The following GSE1 variants were observed in gnomAD, a reference collection of about 807,000 sequenced individuals.
The protein encoded by GSE1 is Gse1 coiled-coil protein, also known as genetic suppressor element 1.
Under a neutral mutation model 112.6 loss-of-function variants are expected in GSE1, and 32 were observed. That is an observed-to-expected ratio of 0.28 (90% CI 0.21 to 0.38). The LOEUF (loss-of-function observed/expected upper bound fraction) is 0.38. Among genes scored for constraint, GSE1 ranks in the 10% least tolerant of loss-of-function variants. GSE1 has a pLI of 1.00. For synonymous variants in GSE1, 1,115 were observed against 735.6 expected, an observed-to-expected ratio of 1.52 and a Z score of -8.35; for missense variants, 2,348 against 1,699.2, an observed-to-expected ratio of 1.38 and a Z score of -6.71.
At chr16:85,258,621 G>T (rs554054502) in intron 1 of GSE1, among the ~76,000 whole-genome samples, 1 of 152,160 alleles carries the variant, frequency 6.6e-6, no homozygotes, top group East Asian at 1.9e-4. Context: ...CCCAGCGAGA[G>T]CCCCTTCTCC....
intron 2 of GSE1, among the ~76,000 whole-genome samples, chr16:85,454,027 G>A (rs1022826108): frequency 1.6e-4 from 24 of 152,172 alleles, no homozygotes; most frequent in African/African-American, 4.8e-4. Flanking sequence ...CCTGCCCCAC[G>A]GGCATCCAGC....
At chr16:85,472,413 C>T (rs2050323946) in intron 2 of GSE1, among the ~76,000 whole-genome samples, 1 of 152,286 alleles carries the variant, frequency 6.6e-6, no homozygotes, top group Middle Eastern at 3.4e-3. Context: ...CTTCTCCTCC[C>T]GCGGCCTTCT....
At chr16:85,253,084 C>T (rs1906688145) in intron 1 of GSE1, among the ~76,000 whole-genome samples, 2 of 125,228 alleles carry the variant, frequency 1.6e-5, no homozygotes, top group South Asian at 6.5e-4. Flanking sequence ...CCCCCCCCCA[C>T]CAGCAGGCTG....
At chr16:85,363,149 A>T (rs1363244264) in intron 2 of GSE1, among the ~76,000 whole-genome samples, 1 of 152,174 alleles carries the variant, frequency 6.6e-6, no homozygotes, top group Non-Finnish European at 1.5e-5. Flanking sequence ...TATCATTATT[A>T]ATACAGATAG....
chr16:85,444,154 T>G (rs2049450518), intron 2 of GSE1, among the ~76,000 whole-genome samples: 1 of 151,940 alleles, frequency 6.6e-6, no homozygotes, highest in Non-Finnish European at 1.5e-5. Context: ...CCAGCTAATT[T>G]TTGTATTTTT....
chr16:85,303,012 C>T (rs949472627), intron 1 of GSE1, among the ~76,000 whole-genome samples: 9 of 152,236 alleles, frequency 5.9e-5, no homozygotes, highest in Admixed American at 1.3e-4. Context: ...GGTGACGTCA[C>T]CTCGACCTAC....
chr16:85,390,996 G>A (rs971062349), intron 2 of GSE1, among the ~76,000 whole-genome samples: 8 of 152,252 alleles, frequency 5.3e-5, no homozygotes, highest in East Asian at 1.9e-4. Context: ...TCACGGCTCC[G>A]CCGCTGCGCC....
chr16:85,647,989 A>G (rs2051023394), intron 2 of GSE1, among the ~76,000 whole-genome samples: 1 of 149,924 alleles, frequency 6.7e-6, no homozygotes, highest in Non-Finnish European at 1.5e-5. Context: ...TGACCCCCCA[A>G]GCACATGGGG....
intron 2 of GSE1, among the ~76,000 whole-genome samples, chr16:85,491,073 G>A (rs1287080698): frequency 2.0e-5 from 3 of 152,326 alleles, no homozygotes; most frequent in South Asian, 2.1e-4. Flanking sequence ...TCCTGCAGGC[G>A]CCGGGGGAGG....
At chr16:85,225,919 A>G (rs931450590) in intron 1 of GSE1, among the ~76,000 whole-genome samples, 1 of 152,094 alleles carries the variant, frequency 6.6e-6, no homozygotes, top group African/African-American at 2.4e-5. Flanking sequence ...TCTCATCTGA[A>G]GGCTCTGCTG....
At chr16:85,508,285 C>G (rs1262303609) in intron 2 of GSE1, among the ~76,000 whole-genome samples, 2 of 152,200 alleles carry the variant, frequency 1.3e-5, no homozygotes, top group South Asian at 4.1e-4. Flanking sequence ...CCACCCGCTT[C>G]GGCCTCCCAA....
chr16:85,567,441 G>A (rs1231363940), intron 1 of GSE1, among the ~76,000 whole-genome samples: 1 of 152,202 alleles, frequency 6.6e-6, no homozygotes, highest in Non-Finnish European at 1.5e-5. Flanking sequence ...TCGTCTGAAG[G>A]CTCCTCTCAC....
intron 1 of GSE1, among the ~76,000 whole-genome samples, chr16:85,622,495 G>A (rs1256278468): frequency 1.3e-5 from 2 of 152,160 alleles, no homozygotes; most frequent in Non-Finnish European, 1.5e-5. Context: ...CTGGGTTCAT[G>A]GATGCTACAC....
At chr16:85,585,131 C>T (rs1029598910) in intron 1 of GSE1, among the ~76,000 whole-genome samples, 7 of 152,242 alleles carry the variant, frequency 4.6e-5, no homozygotes, top group African/African-American at 7.2e-5. Flanking sequence ...AGCCGTTTGC[C>T]GCTTTCCACC....
At chr16:85,264,485 G>A (rs1280053498) in intron 1 of GSE1, among the ~76,000 whole-genome samples, 2 of 151,970 alleles carry the variant, frequency 1.3e-5, no homozygotes, top group East Asian at 3.9e-4. Flanking sequence ...CAGCATCACC[G>A]CCTCCCTCCT....
intron 15 of GSE1, among the ~76,000 whole-genome samples, chr16:85,671,439 C>CAAAAAAAAGA (rs2053327336): frequency 1.6e-5 from 1 of 61,310 alleles, no homozygotes; most frequent in African/African-American, 6.7e-5. Context: ...GACTCCGTCT[C>CAAAAAAAAGA]AAAAAAAAAA....
In GSE1 at chr16:85,661,774, C is replaced by T. The variant is rs1451796862; in HGVS notation, c.2260+9C>T. ...GGAGGCCCAGGAGAAAGGTCTGCCT[C>T]CCCGCGGGCCCCGAGCTGCTCAGGG... On this transcript the variant is annotated intron_variant, in intron 9 of 15. Transcript: ENST00000253458. The T allele has an allele frequency of 6.7e-7, 1 of 1,493,212 alleles. No homozygotes were observed. The highest frequency in any genetic ancestry group is 9.0e-7 in the Non-Finnish European group (1 of 1,116,640). The allele number at this position is 1,493,212 out of a possible 1,614,324, so 92.5% of individuals were successfully genotyped here. A position where few individuals can be genotyped will look rare whatever the true frequency, so the allele number is the denominator to read the frequency against.
rs1354223807 is a variant in GSE1 at position 85,462,734 on chromosome 16, G to T, written c.2464+105091G>T. Among the ~76,000 whole-genome samples, 4 of 139,790 alleles carry T rather than the reference G, an allele frequency of 2.9e-5. No individual in the cohort carries two copies. In the East Asian group the frequency reaches 8.7e-4, roughly 30 times the overall value. The allele number at this position is 139,790 out of a possible 152,430, so 91.7% of individuals were successfully genotyped here. On this transcript the variant is annotated intron_variant, in intron 2 of 2. Transcript: ENST00000637419. ...GAGGCGGGAGGCGGGAGGCGGCGCC[G>T]GCCGGGCGGGGGACGAGGTGGTGGC...
intron 1 of GSE1, among the ~76,000 whole-genome samples, chr16:85,256,736 C>T (rs769952716): frequency 3.3e-5 from 5 of 152,270 alleles, no homozygotes; most frequent in Non-Finnish European, 7.3e-5. Context: ...CCTGGGGTCT[C>T]GTCCCTCACT....
Sources: allele counts gnomAD v4.1 joint callset (sites outside exome capture counted in the v4.1 genomes callset), GRCh38; gene constraint gnomAD v4.1.1; transcripts MANE v1.5; gene names NCBI Gene and HGNC (gene_info 2026-07-23, HGNC 2026-07-21).